The following MTIF2 variants were observed in gnomAD, a reference collection of about 807,000 sequenced individuals.
MTIF2 encodes the protein mitochondrial translational initiation factor 2.
MTIF2 carries 71 observed loss-of-function variants against 83.5 expected under a neutral mutation model. The ratio of observed to expected loss-of-function variants is 0.85; its 90% CI spans 0.70 to 1.04. The LOEUF is 1.04. Among genes scored for constraint, MTIF2 ranks in the 50% least tolerant of loss-of-function variants. The pLI is 0.00. For missense variants in MTIF2, 957 were observed against 846.5 expected (o/e 1.13, Z -1.62); for synonymous variants, 319 against 287.1 (o/e 1.11, Z -1.12).
At chr2:55,237,655 T>TC (rs944805321) in intron 14 of MTIF2, among the ~76,000 whole-genome samples, 10 of 139,874 alleles carry the variant, frequency 7.1e-5, no homozygotes, top group African/African-American at 1.1e-4. Context: ...TTTTCTTTTT[T>TC]TTTTTTTTTT....
chr2:55,268,952 G>A (rs1244940786), intron 1 of MTIF2: 1 of 152,078 alleles, frequency 6.6e-6, no homozygotes, highest in Non-Finnish European at 1.5e-5. Context: ...CGCGAGGAGG[G>A]GAAGCCGGCC....
chr2:55,243,478 A>G lies in MTIF2; in HGVS notation c.1502T>C (p.Ile501Thr), dbSNP rs559749584. The change falls in exon 12 of 16, where the codon ATA becomes ACA. Residue 501 changes from isoleucine to threonine, a missense_variant. By Grantham distance (89) the Ile-to-Thr change is moderately conservative (BLOSUM62 -1). This residue lies in a region of MTIF2 where 733 missense variants were observed against 648.7 expected (regional missense o/e 1.13). Transcript: ENST00000263629. ...ILRFLERKEQ[I>T]PLKPKEKRER... The stretch of plus-strand genomic sequence containing the variant: ...CCTTTTCTCTTTTGGCTTTAAGGGT[A>G]TTTGTTCTTTTCTTTCTAAAAACCG... 3 of 1,613,718 alleles carry G rather than the reference A, an allele frequency of 1.9e-6. No individual in the cohort carries two copies. Among genetic ancestry groups the G allele is most frequent in the African/African-American group, 1.3e-5 (1 of 75,044 alleles).
At chr2:55,263,926 A>G in intron 3 of MTIF2, 61 bp from the exon 4 acceptor site, 1 of 1,227,858 alleles carries the variant, frequency 8.1e-7, no homozygotes, top group Non-Finnish European at 1.2e-6. Flanking sequence ...TATTAATTGG[A>G]TATTTACTAT....
chr2:55,252,607 T>C lies in MTIF2; in HGVS notation c.711A>G (p.Gly237=). 3 of 1,613,936 alleles carry C rather than the reference T, an allele frequency of 1.9e-6. No individual in the cohort carries two copies. Among genetic ancestry groups the C allele is most frequent in the Non-Finnish European group, 2.5e-6 (3 of 1,179,932 alleles). The change falls in exon 8 of 16, where the codon GGA becomes GGG. Residue 237 remains glycine (G), a synonymous_variant. Coordinates refer to ENST00000263629, the MANE Select transcript of MTIF2 (RefSeq NM_002453.3). ...CTCTCATTGCTGAGAAAGCAGCATGTCCTGGAGTATCAAGAAAAGTTATCT... is the reference window on the plus strand; with the variant it reads ...CTCTCATTGCTGAGAAAGCAGCATGCCCTGGAGTATCAAGAAAAGTTATCT... ...GEKITFLDTP[G]HAAFSAMRAR...
chr2:55,266,000 T>C (rs1284235163), intron 3 of MTIF2, among the ~76,000 whole-genome samples: 2 of 152,192 alleles, frequency 1.3e-5, no homozygotes, highest in Non-Finnish European at 2.9e-5. Flanking sequence ...TACAATGGTA[T>C]GTGCTTAGGT....
intron 13 of MTIF2, 70 bp from the exon 14 acceptor site, chr2:55,240,245 G>GTTT: frequency 1.5e-6 from 2 of 1,357,648 alleles, no homozygotes; most frequent in Non-Finnish European, 2.0e-6. Context: ...TGTCTTTCAA[G>GTTT]CAGAAACTTG....
chr2:55,243,307 T>C, intron 12 of MTIF2, 109 bp downstream of exon 12: 1 of 1,198,442 alleles, frequency 8.3e-7, no homozygotes. Flanking sequence ...AGAAAAACTC[T>C]CCTAAAATAT....
chr2:55,242,662 G>A (rs1383230872), intron 13 of MTIF2, among the ~76,000 whole-genome samples: 1 of 152,128 alleles, frequency 6.6e-6, no homozygotes, highest in African/African-American at 2.4e-5. Flanking sequence ...AGTAGGGAGA[G>A]GGGGCAGTAA....
chr2:55,256,910 G>A (rs1372129304), intron 5 of MTIF2, among the ~76,000 whole-genome samples: 2 of 151,990 alleles, frequency 1.3e-5, no homozygotes, highest in African/African-American at 4.8e-5. Context: ...TTTTGCCCAG[G>A]TTGGTTTTGA....
At chr2:55,256,344 T>A (rs936246948) in intron 5 of MTIF2, among the ~76,000 whole-genome samples, 10 of 151,960 alleles carry the variant, frequency 6.6e-5, no homozygotes, top group African/African-American at 2.4e-4. Context: ...TATCTCTGAA[T>A]ACATGTATCC....
chr2:55,243,568 T>C lies in MTIF2; in HGVS notation c.1412A>G (p.Lys471Arg), dbSNP rs759302667. Reference protein sequence around the residue: ...KIIEEKRKEHKEAHQKAREKY... With the variant: ...KIIEEKRKEHREAHQKAREKY... ...CTCACGGGCTTTCTGATGTGCTTCT[T>C]TGTGTTCCTTTCGCTTTTCTTCTAT... The change falls in exon 12 of 16, where the codon AAA (lysine) becomes AGA (arginine). Residue 471 changes from lysine to arginine, a missense_variant. Around this residue, in one of 3 missense-constraint regions of MTIF2, gnomAD observed 733 missense variants for 648.7 expected, o/e 1.13. Transcript: ENST00000263629. The C allele has an allele frequency of 7.4e-6, 12 of 1,614,000 alleles. No individual in the cohort carries two copies. The highest frequency in any genetic ancestry group is 9.3e-6 in the Non-Finnish European group (11 of 1,180,006).
Position 55,249,491 on chromosome 2 carries a change from A to G in MTIF2, c.885T>C (p.Ala295=). ...GCTCTTTTTTCACTTTCTCAGGATC[A>G]GCCTCAGCTTTGTCACATTTATTTA... The part of the protein sequence containing the change: ...LAVNKCDKAE[A]DPEKVKKELL... The change falls in exon 9 of 16, where the codon GCT becomes GCC. Residue 295 remains alanine (A), a synonymous_variant. Coordinates refer to ENST00000263629, the MANE Select transcript of MTIF2 (RefSeq NM_002453.3). The G allele has an allele frequency of 6.2e-7, 1 of 1,614,136 alleles. No homozygotes were observed. The highest frequency in any genetic ancestry group is 8.5e-7 in the Non-Finnish European group (1 of 1,180,012).
At chr2:55,242,732 G>A (rs1479228407) in intron 13 of MTIF2, among the ~76,000 whole-genome samples, 1 of 152,144 alleles carries the variant, frequency 6.6e-6, no homozygotes, top group Non-Finnish European at 1.5e-5. Context: ...CCCCAAAACT[G>A]CAGTACAACC....
intron 8 of MTIF2, among the ~76,000 whole-genome samples, chr2:55,252,166 C>T (rs1211217638): frequency 6.6e-6 from 1 of 151,810 alleles, no homozygotes; most frequent in Non-Finnish European, 1.5e-5. Context: ...ATGGATAGAT[C>T]GAATTTCATT....
intron 5 of MTIF2, among the ~76,000 whole-genome samples, chr2:55,255,981 ATTC>A (rs1483519342): frequency 1.3e-5 from 2 of 152,090 alleles, no homozygotes; most frequent in Non-Finnish European, 2.9e-5. Context: ...GGTTCAAACA[ATTC>A]TTCTGCCTCA....
At chr2:55,256,854 C>A (rs1300124553) in intron 5 of MTIF2, among the ~76,000 whole-genome samples, 1 of 140,746 alleles carries the variant, frequency 7.1e-6, no homozygotes, top group Non-Finnish European at 1.6e-5. Context: ...ACCACAGGTG[C>A]CACCACTACA....
At chr2:55,238,298 T>G (rs1288026405) in intron 14 of MTIF2, among the ~76,000 whole-genome samples, 1 of 152,062 alleles carries the variant, frequency 6.6e-6, no homozygotes, top group African/African-American at 2.4e-5. Flanking sequence ...ATGACACGCT[T>G]GAGCCACTGC....
At position 55,244,232 on chromosome 2, in the gene MTIF2, G is replaced by A. The variant is rs748310392; in HGVS notation, c.1108C>T (p.Leu370Phe). The A allele has an allele frequency of 6.2e-7, 1 of 1,603,606 alleles. No homozygotes were observed. The highest frequency in any genetic ancestry group is 1.1e-5 in the South Asian group (1 of 90,506). Residue 370 changes from leucine (L) to phenylalanine (F), a missense_variant and splice_region_variant, in exon 11 of 16, where the codon CTT (leucine) becomes TTT (phenylalanine). By Grantham distance (22) the Leu-to-Phe change is conservative. Around this residue, in one of 3 missense-constraint regions of MTIF2, gnomAD observed 733 missense variants for 648.7 expected, o/e 1.13. Transcript: ENST00000263629. The part of the protein sequence containing the change: ...IESFTDKGRG[L>F]VTTAIIQRGT... ...CTTTGAATTATAGCTGTAGTAACAAGACTAAAATGAAAATAAAAGTATATT... is the reference window on the plus strand; with the variant it reads ...CTTTGAATTATAGCTGTAGTAACAAAACTAAAATGAAAATAAAAGTATATT...
At chr2:55,242,142 C>CAA (rs57923810) in intron 13 of MTIF2, among the ~76,000 whole-genome samples, 1 of 88,628 alleles carries the variant, frequency 1.1e-5, no homozygotes, top group Non-Finnish European at 2.6e-5. Flanking sequence ...GCTCTGTCTC[C>CAA]AAAAAAAAAA....
Sources: gnomAD v4.1 joint callset for allele counts (sites outside exome capture counted in the v4.1 genomes callset) on GRCh38, gnomAD v4.1.1 for gene constraint, gnomAD v4.1.1 regional missense constraint, MANE v1.5 for transcripts, NCBI Gene and HGNC (gene_info 2026-07-23, HGNC 2026-07-21) for gene names.